The following LAMB4 variants were observed in gnomAD, a reference collection of about 807,000 sequenced individuals.
LAMB4 encodes laminin subunit beta 4.
LAMB4 carries 196 observed loss-of-function variants against 199.2 expected under a neutral mutation model. The observed-to-expected ratio is 0.98, with a 90% CI of 0.88 to 1.11. LAMB4 has a LOEUF of 1.11. Ranked by LOEUF, LAMB4 falls within the 50% of genes least tolerant of loss-of-function variation. The pLI, the probability that LAMB4 is intolerant of heterozygous loss-of-function variation, is 0.00. For synonymous variants in LAMB4, 744 were observed against 770.6 expected (o/e 0.97, Z 0.57); for missense variants, 2,080 against 2,171.2 (o/e 0.96, Z 0.83).
chr7:108,031,413 C>T (rs936512285), intron 31 of LAMB4, among the ~76,000 whole-genome samples: 6 of 120,646 alleles, frequency 5.0e-5, no homozygotes, highest in African/African-American at 1.5e-4. Context: ...AAAAATATAA[C>T]GAATAGCCAT....
intron 11 of LAMB4, among the ~76,000 whole-genome samples, chr7:108,097,924 T>A (rs1489478860): frequency 2.0e-5 from 3 of 152,208 alleles, no homozygotes; most frequent in Non-Finnish European, 4.4e-5. Context: ...CTGCTGGTCC[T>A]TTATGATAAA....
intron 12 of LAMB4, among the ~76,000 whole-genome samples, chr7:108,094,577 GT>G (rs34249069): frequency 0.37 from 54,761 of 146,464 alleles, 10,559 homozygotes; most frequent in East Asian, 0.58. Context: ...GATTTTGTGG[GT>G]TTTTTTTTTT....
At chr7:108,098,629 A>G in intron 10 of LAMB4, 47 bp from the exon 11 acceptor site, 2 of 1,495,814 alleles carry the variant, frequency 1.3e-6, no homozygotes, top group Non-Finnish European at 1.8e-6. Flanking sequence ...AAATTGTGGG[A>G]AGCCTGAAAT....
At chr7:108,035,476 A>G (rs1361293740) in intron 30 of LAMB4, among the ~76,000 whole-genome samples, 6 of 149,534 alleles carry the variant, frequency 4.0e-5, no homozygotes, top group Non-Finnish European at 8.9e-5. Context: ...TGGGAGGCGG[A>G]GGTTGCAGTG....
chr7:108,058,449 G>C (rs2036055949), intron 23 of LAMB4, among the ~76,000 whole-genome samples: 1 of 152,158 alleles, frequency 6.6e-6, no homozygotes, highest in Admixed American at 6.5e-5. Flanking sequence ...TTTTCAGAGA[G>C]GGCTGAACTT....
chr7:108,035,772 CA>C (rs1388730524), intron 30 of LAMB4, among the ~76,000 whole-genome samples: 1 of 151,596 alleles, frequency 6.6e-6, no homozygotes, highest in Non-Finnish European at 1.5e-5. Flanking sequence ...ACTTCCTGTT[CA>C]GTTTGGATGT....
intron 23 of LAMB4, chr7:108,062,364 A>C (rs576358082): frequency 1.3e-5 from 2 of 153,050 alleles, no homozygotes; most frequent in African/African-American, 4.8e-5. Flanking sequence ...GAGCAATAGG[A>C]AACAACAGCT....
At chr7:108,068,346 T>C (rs1279636809) in intron 18 of LAMB4, among the ~76,000 whole-genome samples, 187 bp from the exon 19 acceptor site, 1 of 152,178 alleles carries the variant, frequency 6.6e-6, no homozygotes, top group African/African-American at 2.4e-5. Flanking sequence ...AGGAAATAAG[T>C]TCTGCGAAGT....
At chr7:108,067,460 A>C (rs1271140392) in intron 19 of LAMB4, among the ~76,000 whole-genome samples, 1 of 152,270 alleles carries the variant, frequency 6.6e-6, no homozygotes, top group Non-Finnish European at 1.5e-5. Context: ...ATTAGCCATG[A>C]GAGCTGTATT....
intron 4 of LAMB4, among the ~76,000 whole-genome samples, chr7:108,111,111 T>A (rs758780372): frequency 1.3e-5 from 2 of 152,178 alleles, no homozygotes; most frequent in East Asian, 3.9e-4. Context: ...TAAAGAAGGG[T>A]CATCAAGAGT....
intron 22 of LAMB4, 51 bp downstream of exon 22, chr7:108,063,710 T>C (rs1305791382): frequency 2.7e-6 from 4 of 1,474,946 alleles, no homozygotes; most frequent in Middle Eastern, 2.1e-4. Flanking sequence ...AACACACTTA[T>C]GAGCTGTCAC....
At position 108,063,856 on chromosome 7, in the gene LAMB4, CCT is replaced by C. The variant is rs1422513145; in HGVS notation, c.2964_2965del (p.Glu990ValfsTer54). ...GTTGTGCAAACATCGAAGGCACTCC[CCT>C]GTTACCCGGCTGCAGGACTCTGGAT... On this transcript the variant is annotated frameshift_variant, in exon 22 of 34. Coordinates refer to ENST00000388781, the MANE Select transcript of LAMB4 (RefSeq NM_007356.3). LOFTEE classifies it high-confidence loss of function. 2 of 1,614,200 alleles carry C rather than the reference CCT, an allele frequency of 1.2e-6. No individual in the cohort carries two copies. The highest frequency in any genetic ancestry group is 1.1e-5 in the South Asian group (1 of 91,082).
chr7:108,061,445 G>T (rs989377717), intron 23 of LAMB4, among the ~76,000 whole-genome samples: 1 of 151,946 alleles, frequency 6.6e-6, no homozygotes. Context: ...TTTTAAAAAG[G>T]TATGTTGTGG....
intron 29 of LAMB4, among the ~76,000 whole-genome samples, chr7:108,042,541 A>C (rs1345009323): frequency 6.6e-6 from 1 of 152,118 alleles, no homozygotes; most frequent in Non-Finnish European, 1.5e-5. Flanking sequence ...TCCAGTCAAT[A>C]CAGATTCATC....
intron 17 of LAMB4, among the ~76,000 whole-genome samples, chr7:108,075,299 C>T (rs1329465767): frequency 6.6e-6 from 1 of 152,176 alleles, no homozygotes; most frequent in Admixed American, 6.5e-5. Flanking sequence ...TAGATCCTCT[C>T]ACCTGAACTG....
At chr7:108,027,737 G>A (rs1431602208) in intron 33 of LAMB4, among the ~76,000 whole-genome samples, 1 of 152,096 alleles carries the variant, frequency 6.6e-6, no homozygotes, top group Non-Finnish European at 1.5e-5. Context: ...AATATCAATT[G>A]TGTAAAAAAA....
chr7:108,096,473 C>T (rs1037762565), intron 11 of LAMB4, among the ~76,000 whole-genome samples: 1 of 152,086 alleles, frequency 6.6e-6, no homozygotes, highest in East Asian at 1.9e-4. Context: ...TACAAATATC[C>T]CTTCAAAGCT....
In LAMB4 at chr7:108,109,223, C is replaced by G. The variant is rs149874137; in HGVS notation, c.350G>C (p.Arg117Thr). 1.0e-2 allele frequency: 16,098 copies of G among 1,613,112 alleles called. 303 individuals are homozygous for G. The highest frequency in any genetic ancestry group is 0.06 in the South Asian group (5,412 of 90,956). ...SENGLDHVSIRLDLEALFRFS... is the reference protein window; with the variant it reads ...SENGLDHVSITLDLEALFRFS... Reference sequence around the variant, plus strand: ...CCGAAATAATGCCTCTAAGTCCAGTCTGATGCTGACATGATCAAGACCTAA... The same window carrying G: ...CCGAAATAATGCCTCTAAGTCCAGTGTGATGCTGACATGATCAAGACCTAA... The change falls in exon 5 of 34, where the codon AGA (arginine) becomes ACA (threonine). Residue 117 changes from arginine (R) to threonine (T), a missense_variant. Coordinates refer to ENST00000388781, the MANE Select transcript of LAMB4 (RefSeq NM_007356.3).
intron 17 of LAMB4, among the ~76,000 whole-genome samples, chr7:108,073,269 G>A (rs1183140797): frequency 6.6e-6 from 1 of 152,212 alleles, no homozygotes; most frequent in Middle Eastern, 3.2e-3. Context: ...GCCTCCCAAA[G>A]TGCTGGGATT....
Sources: allele counts gnomAD v4.1 joint callset (sites outside exome capture counted in the v4.1 genomes callset), GRCh38; gene constraint gnomAD v4.1.1; transcripts MANE v1.5; gene names NCBI Gene and HGNC (gene_info 2026-07-23, HGNC 2026-07-21).